The following RIC3 variants were observed in gnomAD, a reference collection of about 807,000 sequenced individuals.
RIC3 encodes protein RIC-3.
Under a neutral mutation model 27.3 loss-of-function variants are expected in RIC3, and 28 were observed. That is an observed-to-expected ratio of 1.02 (90% CI 0.76 to 1.41). RIC3 has a LOEUF of 1.41. Ranked by LOEUF, RIC3 falls within the 40% of genes most tolerant of loss-of-function variation. The pLI is 0.00. For missense variants in RIC3, 501 were observed against 444.7 expected (o/e 1.13, Z -1.14); for synonymous variants, 184 against 160.4 (o/e 1.15, Z -1.11).
intron 5 of RIC3, among the ~76,000 whole-genome samples, chr11:8,122,864 C>CAAAAAAAAA (rs55826618): frequency 9.4e-5 from 6 of 63,508 alleles, no homozygotes; most frequent in Admixed American, 4.0e-4. Flanking sequence ...ACCAGGTATG[C>CAAAAAAAAA]AAAAAAAAAA....
In RIC3 at chr11:8,110,793, A is replaced by C. The variant is rs1484203854; in HGVS notation, c.1015T>G (p.Ser339Ala). ...AACCCTTCATCTTTAAAGTCTTGGGACCACTCTTCTTTGGTGGTTTCCTCT... is the reference window on the plus strand; with the variant it reads ...AACCCTTCATCTTTAAAGTCTTGGGCCCACTCTTCTTTGGTGGTTTCCTCT... The part of the protein sequence containing the change: ...EQEETTKEEW[S>A]QDFKDEGLGI... Residue 339 changes from serine (S) to alanine (A), a missense_variant, in exon 6 of 6, where the codon TCC becomes GCC. Ser to Ala is a moderately conservative substitution (Grantham distance 99). Coordinates refer to ENST00000309737, the MANE Select transcript of RIC3 (RefSeq NM_001206671.4). 1 of 1,614,004 alleles carries C rather than the reference A, an allele frequency of 6.2e-7. No homozygotes were observed. Among genetic ancestry groups the C allele is most frequent in the Non-Finnish European group, 8.5e-7 (1 of 1,180,034 alleles).
chr11:8,101,401 G>T (rs1457441668), downstream of RIC3: 1 of 1,535,592 alleles, frequency 6.5e-7, no homozygotes, highest in Non-Finnish European at 9.0e-7. Flanking sequence ...CTTCCCTCAT[G>T]TGGTTTGGGT....
chr11:8,149,886 T>TC lies in RIC3; in HGVS notation c.125-9694dup, dbSNP rs751425482. On this transcript the variant is annotated intron_variant, in intron 1 of 5. Coordinates refer to ENST00000309737, the MANE Select transcript of RIC3 (RefSeq NM_001206671.4). ...TCAACCAACCACCTGATACTGTCCCTCCTTTTTTGCCTGATAAGAGACTAC... is the reference window on the plus strand; with the variant it reads ...TCAACCAACCACCTGATACTGTCCCTCCCTTTTTTGCCTGATAAGAGACTAC... Among the ~76,000 whole-genome samples, 195 of 152,272 alleles carry TC rather than the reference T, an allele frequency of 1.3e-3. 1 individual carries two copies. Among genetic ancestry groups the TC allele is most frequent in the Non-Finnish European group, 1.0e-4 (7 of 68,002 alleles).
chr11:8,115,470 A>G (rs2133387012), intron 5 of RIC3, among the ~76,000 whole-genome samples: 1 of 152,264 alleles, frequency 6.6e-6, no homozygotes, highest in Non-Finnish European at 1.5e-5. Context: ...TCAAGTAGAG[A>G]GCAAGGGACA....
chr11:8,125,411 C>T (rs1564999004), intron 5 of RIC3, among the ~76,000 whole-genome samples: 2 of 152,038 alleles, frequency 1.3e-5, no homozygotes, highest in Non-Finnish European at 2.9e-5. Flanking sequence ...AATTTGTACT[C>T]GGAATATATA....
chr11:8,114,335 G>A (rs2134083530), intron 5 of RIC3, among the ~76,000 whole-genome samples: 1 of 152,278 alleles, frequency 6.6e-6, no homozygotes, highest in African/African-American at 2.4e-5. Flanking sequence ...CGGGCGTGAT[G>A]GCTCACGCTT....
intron 1 of RIC3, among the ~76,000 whole-genome samples, chr11:8,146,814 A>C (rs1949726807): frequency 6.6e-6 from 1 of 152,190 alleles, no homozygotes; most frequent in Non-Finnish European, 1.5e-5. Context: ...TTATCTAAAG[A>C]CCTGGGATCA....
chr11:8,148,000 C>T (rs973132531), intron 1 of RIC3, among the ~76,000 whole-genome samples: 4 of 152,148 alleles, frequency 2.6e-5, no homozygotes, highest in African/African-American at 9.7e-5. Context: ...GCTGGGATTA[C>T]AGGCATGAGC....
At chr11:8,093,538 T>C in the RIC3 span, among the ~76,000 whole-genome samples, 1 of 152,150 alleles carries the variant, frequency 6.6e-6, no homozygotes, top group Non-Finnish European at 1.5e-5. Context: ...TGCCTGTAGC[T>C]TCTTGTGTCC....
intron 1 of RIC3, among the ~76,000 whole-genome samples, chr11:8,167,774 A>T (rs1951841918): frequency 6.6e-6 from 1 of 152,126 alleles, no homozygotes; most frequent in South Asian, 2.1e-4. Context: ...TAAGACAGAA[A>T]GGAAAAAAAA....
intron 5 of RIC3, among the ~76,000 whole-genome samples, chr11:8,119,806 G>A (rs1267625627): frequency 6.6e-6 from 1 of 152,002 alleles, no homozygotes; most frequent in Non-Finnish European, 1.5e-5. Context: ...TCTGACAAAG[G>A]GCTAATATCT....
Position 8,164,725 on chromosome 11 carries a change from C to T in RIC3, c.124+4141G>A, listed in dbSNP as rs1170687489. 2.2e-5 allele frequency among the ~76,000 whole-genome samples: 3 copies of T among 134,820 alleles called. No homozygotes were observed. In the East Asian group the frequency reaches 6.5e-4, roughly 29 times the overall value. The allele number at this position is 134,820 out of a possible 152,430, so 88.4% of individuals were successfully genotyped here. ...CCCAGGAGTTTGGGGCTACAGTGAG[C>T]AATGATGGCACCACTGTATTCCAGC... On this transcript the variant is annotated intron_variant, in intron 1 of 5. Coordinates refer to ENST00000309737, the MANE Select transcript of RIC3 (RefSeq NM_001206671.4).
chr11:8,162,615 G>T (rs548753342), intron 1 of RIC3, among the ~76,000 whole-genome samples: 1 of 146,786 alleles, frequency 6.8e-6, no homozygotes, highest in Admixed American at 6.8e-5. Context: ...ATACTTCAAG[G>T]CTCCATGCTT....
chr11:8,097,589 T>TTC, the RIC3 span: 2 of 1,301,542 alleles, frequency 1.5e-6, no homozygotes, highest in Non-Finnish European at 2.2e-6. Flanking sequence ...TCCAGTGCAT[T>TTC]TGTGTGTGTG....
the RIC3 span, among the ~76,000 whole-genome samples, chr11:8,095,973 A>G: frequency 6.6e-6 from 1 of 152,236 alleles, no homozygotes; most frequent in African/African-American, 2.4e-5. Flanking sequence ...GAGACGGGGT[A>G]GATCCTCCGT....
At chr11:8,141,803 A>G (rs1469743280) in intron 1 of RIC3, among the ~76,000 whole-genome samples, 1 of 152,222 alleles carries the variant, frequency 6.6e-6, no homozygotes, top group East Asian at 1.9e-4. Context: ...GCAAATGTAA[A>G]AGAACAGAGA....
chr11:8,132,877 C>T (rs529493605), intron 4 of RIC3, among the ~76,000 whole-genome samples: 4 of 152,246 alleles, frequency 2.6e-5, no homozygotes, highest in Admixed American at 2.0e-4. Flanking sequence ...GGAGCACAGA[C>T]TTGTAAAAGA....
At chr11:8,097,027 T>C in the RIC3 span, among the ~76,000 whole-genome samples, 2 of 152,068 alleles carry the variant, frequency 1.3e-5, no homozygotes, top group South Asian at 2.1e-4. Flanking sequence ...CTCCCGTATC[T>C]CCCATCTCCA....
At chr11:8,168,801 C>T (rs1951999756) in intron 1 of RIC3, 65 bp downstream of exon 1, 14 of 1,553,766 alleles carry the variant, frequency 9.0e-6, no homozygotes, top group Admixed American at 1.9e-5. Context: ...GTCACCCCTC[C>T]CTCAAGCAGC....
Sources: gnomAD v4.1 joint callset for allele counts (sites outside exome capture counted in the v4.1 genomes callset) on GRCh38, gnomAD v4.1.1 for gene constraint, MANE v1.5 for transcripts, NCBI Gene and HGNC (gene_info 2026-07-23, HGNC 2026-07-21) for gene names.